The following ASTN1 variants were observed in gnomAD, a reference collection of about 807,000 sequenced individuals.
ASTN1 encodes the protein astrotactin-1.
In ASTN1, 41 loss-of-function variants were observed where a neutral mutation model predicts 140.7. The observed-to-expected ratio is 0.29, with a 90% CI of 0.23 to 0.38. The LOEUF is 0.38. Among genes scored for constraint, ASTN1 ranks in the 10% least tolerant of loss-of-function variants. ASTN1 has a pLI of 1.00. For missense variants in ASTN1, 1,479 were observed against 1,678.8 expected, an observed-to-expected ratio of 0.88 and a Z score of 2.08; for synonymous variants, 640 against 652.2, an observed-to-expected ratio of 0.98 and a Z score of 0.29.
rs544991756 is a variant in ASTN1, at chr1:176,862,673, A to G, written c.*1611T>C. 2.7e-4 allele frequency: 251 copies of G among 916,464 alleles called. No individual in the cohort carries two copies. The South Asian group carries it at 4.0e-3, about 15-fold the overall frequency. 56.8% of individuals were successfully genotyped at this position (916,464 alleles called of 1,614,324 possible). On this transcript the variant is annotated 3_prime_UTR_variant, in exon 23 of 23. Transcript: ENST00000361833. The stretch of plus-strand genomic sequence containing the variant: ...GCACAAGGGATTTGAGGCAAGTTGT[A>G]TAACCTCTCTTTGCCTCGTTTTCCT...
intron 1 of ASTN1, among the ~76,000 whole-genome samples, chr1:177,083,455 A>C (rs1679276942): frequency 6.6e-6 from 1 of 152,124 alleles, no homozygotes; most frequent in African/African-American, 2.4e-5. Context: ...GAGAAAAAAA[A>C]ATGCTTCATC....
Position 176,861,345 on chromosome 1 carries a change from T to C in ASTN1, c.*2939A>G, listed in dbSNP as rs1344880885. On this transcript the variant is annotated 3_prime_UTR_variant, in exon 23 of 23. Coordinates refer to ENST00000361833, the MANE Select transcript of ASTN1 (RefSeq NM_004319.3). ...AGTCTAATGCTATTACAGTGGTTCA[T>C]GTACATTCAAGAGGAAACTCCAGAG... 4 of 985,752 alleles carry C rather than the reference T, an allele frequency of 4.1e-6. No individual in the cohort carries two copies. Among genetic ancestry groups the C allele is most frequent in the Non-Finnish European group, 3.6e-6 (3 of 829,938 alleles). The allele number at this position is 985,752 out of a possible 1,614,324, so 61.1% of individuals were successfully genotyped here.
chr1:176,957,621 C>T, intron 11 of ASTN1, 57 bp downstream of exon 11: 1 of 1,595,446 alleles, frequency 6.3e-7, no homozygotes. Flanking sequence ...GTGTCTTCCC[C>T]CGTGCCTTTC....
chr1:176,966,995 G>A (rs911161811), intron 8 of ASTN1, among the ~76,000 whole-genome samples: 19 of 152,036 alleles, frequency 1.2e-4, no homozygotes, highest in Non-Finnish European at 2.5e-4. Flanking sequence ...GATAGTGTTG[G>A]AAATCACCAA....
chr1:177,086,623 T>G (rs1204854546), intron 1 of ASTN1, among the ~76,000 whole-genome samples: 4 of 152,148 alleles, frequency 2.6e-5, no homozygotes, highest in African/African-American at 9.7e-5. Context: ...ACATGACAAA[T>G]CACTCACAAA....
intron 1 of ASTN1, among the ~76,000 whole-genome samples, chr1:177,124,323 T>C (rs1681540587): frequency 6.6e-6 from 1 of 152,214 alleles, no homozygotes; most frequent in Non-Finnish European, 1.5e-5. Flanking sequence ...ATAATGAAAC[T>C]GAGGCTGATA....
chr1:177,147,033 AT>A (rs888549753), intron 1 of ASTN1, among the ~76,000 whole-genome samples: 1 of 151,946 alleles, frequency 6.6e-6, no homozygotes, highest in Non-Finnish European at 1.5e-5. Flanking sequence ...ATGAAACTGG[AT>A]TTTTTTAAAA....
rs375202211 is a variant in ASTN1 at position 177,145,769 on chromosome 1, A to G, written c.283+18625T>C. Reference sequence around the variant, plus strand: ...TCACAGGCAGACAAACTAGTATGTTATTCTGTGGGAATGTTGTAATAGAGA... The same window carrying G: ...TCACAGGCAGACAAACTAGTATGTTGTTCTGTGGGAATGTTGTAATAGAGA... On this transcript the variant is annotated intron_variant, in intron 1 of 22. Coordinates refer to ENST00000361833, the MANE Select transcript of ASTN1 (RefSeq NM_004319.3). Among the ~76,000 whole-genome samples the G allele has an allele frequency of 5.9e-5, 9 of 152,334 alleles. No homozygotes were observed. The East Asian group carries it at 1.2e-3, about 20-fold the overall frequency.
intron 4 of ASTN1, among the ~76,000 whole-genome samples, chr1:177,030,348 T>C (rs2101971948): frequency 6.6e-6 from 1 of 152,266 alleles, no homozygotes; most frequent in South Asian, 2.1e-4. Context: ...GTATCTTCTA[T>C]TTTATAACTT....
At chr1:177,004,257 A>T (rs1424845484) in intron 8 of ASTN1, among the ~76,000 whole-genome samples, 1 of 152,148 alleles carries the variant, frequency 6.6e-6, no homozygotes, top group Non-Finnish European at 1.5e-5. Flanking sequence ...AAAATACTTA[A>T]CCAAGGAGGT....
At chr1:177,004,016 T>C (rs1376504079) in intron 8 of ASTN1, among the ~76,000 whole-genome samples, 1 of 152,074 alleles carries the variant, frequency 6.6e-6, no homozygotes, top group Non-Finnish European at 1.5e-5. Flanking sequence ...TCCAAATTAA[T>C]TGGAAAAAAA....
intron 2 of ASTN1, among the ~76,000 whole-genome samples, chr1:177,059,891 T>A (rs1256344867): frequency 6.6e-6 from 1 of 152,198 alleles, no homozygotes; most frequent in Non-Finnish European, 1.5e-5. Context: ...ATCTACACCC[T>A]CCCATATACA....
At chr1:177,073,647 C>G (rs1678752447) in intron 1 of ASTN1, among the ~76,000 whole-genome samples, 1 of 149,786 alleles carries the variant, frequency 6.7e-6, no homozygotes, top group Non-Finnish European at 1.5e-5. Flanking sequence ...ATTACACTTA[C>G]TTTTCTGTGC....
chr1:177,163,906 G>A (rs1647539076), intron 1 of ASTN1, among the ~76,000 whole-genome samples: 1 of 152,166 alleles, frequency 6.6e-6, no homozygotes, highest in African/African-American at 2.4e-5. Flanking sequence ...CTAGAATCTG[G>A]CTTGCACATA....
At chr1:177,015,658 T>G (rs1675508087) in intron 7 of ASTN1, among the ~76,000 whole-genome samples, 1 of 152,240 alleles carries the variant, frequency 6.6e-6, no homozygotes, top group African/African-American at 2.4e-5. Context: ...CCCATGAATC[T>G]TCTGGAATTT....
chr1:177,076,278 C>CAAAAAAAAAA (rs1171864161), intron 1 of ASTN1, among the ~76,000 whole-genome samples: 1 of 77,722 alleles, frequency 1.3e-5, no homozygotes, highest in Non-Finnish European at 2.4e-5. Flanking sequence ...GACTATGTCT[C>CAAAAAAAAAA]AAAAAAAAAA....
In ASTN1 at chr1:176,861,167, T is replaced by C; in HGVS notation, c.*3117A>G. ...ACAACACTGTTATACCTGAAGATGG[T>C]CATATTATATTCTTTCTTCCTTCTG... On this transcript the variant is annotated 3_prime_UTR_variant, in exon 23 of 23. Transcript: ENST00000361833. The C allele has an allele frequency of 1.0e-6, 1 of 956,344 alleles. No homozygotes were observed. Among genetic ancestry groups the C allele is most frequent in the African/African-American group, 1.8e-5 (1 of 56,690 alleles). 59.2% of individuals were successfully genotyped at this position (956,344 alleles called of 1,614,324 possible).
intron 1 of ASTN1, among the ~76,000 whole-genome samples, chr1:177,092,048 TC>T (rs2102105640): frequency 6.6e-6 from 1 of 152,304 alleles, no homozygotes; most frequent in East Asian, 1.9e-4. Flanking sequence ...ATATGGTAAT[TC>T]TATGTTTAAC....
rs373607962 is a variant in ASTN1, at chr1:177,142,773, T to C, written c.283+21621A>G. ...GGAAGTCATTATTTAATCCAGCAAG[T>C]TCCTGATTTCTATAAGGACAATGAA... On this transcript the variant is annotated intron_variant, in intron 1 of 22. Coordinates refer to ENST00000361833, the MANE Select transcript of ASTN1 (RefSeq NM_004319.3). 3.3e-4 allele frequency among the ~76,000 whole-genome samples: 50 copies of C among 152,242 alleles called. 1 individual carries two copies. Among genetic ancestry groups the C allele is most frequent in the African/African-American group, 9.9e-4 (41 of 41,548 alleles).
Sources: gnomAD v4.1 joint callset for allele counts (sites outside exome capture counted in the v4.1 genomes callset) on GRCh38, gnomAD v4.1.1 for gene constraint, MANE v1.5 for transcripts, NCBI Gene and HGNC (gene_info 2026-07-23, HGNC 2026-07-21) for gene names.